The following COL5A2 variants were observed in gnomAD, a reference collection of about 807,000 sequenced individuals.
COL5A2 encodes collagen type V alpha 2 chain.
COL5A2 carries 23 observed loss-of-function variants against 208.2 expected under a neutral mutation model. That is an observed-to-expected ratio of 0.11 (90% CI 0.08 to 0.16). The LOEUF is 0.16. COL5A2 is among the 10% of genes least tolerant of loss of function. The pLI, the probability that COL5A2 is intolerant of heterozygous loss-of-function variation, is 1.00. For missense variants in COL5A2, 1,590 were observed against 1,956.4 expected, an observed-to-expected ratio of 0.81 and a Z score of 3.53; for synonymous variants, 625 against 628.5, an observed-to-expected ratio of 0.99 and a Z score of 0.08.
intron 1 of COL5A2, among the ~76,000 whole-genome samples, chr2:189,114,020 C>A (rs1038473891): frequency 1.3e-5 from 2 of 152,022 alleles, no homozygotes; most frequent in African/African-American, 4.8e-5. Flanking sequence ...AAGAAGTGGG[C>A]CACTGGATTA....
At chr2:189,078,453 C>A (rs1385029303) in intron 16 of COL5A2, 63 bp downstream of exon 16, 3 of 1,366,018 alleles carry the variant, frequency 2.2e-6, no homozygotes, top group African/African-American at 2.9e-5. Flanking sequence ...GTTCAGTAAA[C>A]CAAATCTGAA....
At chr2:189,421,311 A>G in the COL5A2 span, among the ~76,000 whole-genome samples, 1 of 152,120 alleles carries the variant, frequency 6.6e-6, no homozygotes, top group African/African-American at 2.4e-5. Context: ...TCTCCACACA[A>G]TCATCACCCC....
chr2:189,304,559 G>A, the COL5A2 span, among the ~76,000 whole-genome samples: 1 of 152,070 alleles, frequency 6.6e-6, no homozygotes, highest in African/African-American at 2.4e-5. Flanking sequence ...AGCCAGAGGT[G>A]GGGGAAGGTG....
At chr2:189,192,844 G>T (rs569721126) in intron 1 of COL5A2, among the ~76,000 whole-genome samples, 1 of 152,340 alleles carries the variant, frequency 6.6e-6, no homozygotes, top group African/African-American at 2.4e-5. Context: ...CTCTGCCCTT[G>T]TGAATGAATT....
the COL5A2 span, among the ~76,000 whole-genome samples, chr2:189,359,436 T>C: frequency 6.6e-6 from 1 of 152,214 alleles, no homozygotes; most frequent in Admixed American, 6.5e-5. Flanking sequence ...TTGATCATAG[T>C]GAATAATCCT....
At chr2:189,243,962 C>A in the COL5A2 span, among the ~76,000 whole-genome samples, 2 of 152,310 alleles carry the variant, frequency 1.3e-5, no homozygotes, top group South Asian at 4.1e-4. Flanking sequence ...ACAGCCTGAG[C>A]TCTACATTGG....
chr2:189,115,667 C>T (rs1020534578), intron 1 of COL5A2, among the ~76,000 whole-genome samples: 4 of 152,130 alleles, frequency 2.6e-5, no homozygotes, highest in Admixed American at 2.0e-4. Context: ...TCATTTTCCC[C>T]TGTGAGCTGT....
rs756351360 is a variant in COL5A2, at chr2:189,041,623, G to T, written c.3596C>A (p.Pro1199Gln). ...NPGPLGPIGP[P>Q]GVRGSVGEAG... ...TTCTCCTACACTGCCTCGTACACCTGGAGGTCCAATTGGCCCAAGTGGCCC... is the reference window on the plus strand; with the variant it reads ...TTCTCCTACACTGCCTCGTACACCTTGAGGTCCAATTGGCCCAAGTGGCCC... The change falls in exon 50 of 54, where the codon CCA (proline) becomes CAA (glutamine). Residue 1199 changes from proline (P) to glutamine (Q), a missense_variant. Coordinates refer to ENST00000374866, the MANE Select transcript of COL5A2 (RefSeq NM_000393.5). 1 of 1,614,090 alleles carries T rather than the reference G, an allele frequency of 6.2e-7. No homozygotes were observed. Among genetic ancestry groups the T allele is most frequent in the South Asian group, 1.1e-5 (1 of 91,086 alleles).
rs780963383 is a variant in COL5A2, at chr2:189,065,025, A to C, written c.1596T>G (p.Ser532=). 17 of 1,613,868 alleles carry C rather than the reference A, an allele frequency of 1.1e-5. No individual in the cohort carries two copies. The highest frequency in any genetic ancestry group is 1.4e-5 in the Non-Finnish European group (17 of 1,179,920). ...GAPGNRGFPG[S]DGLPGPKGAQ... is the part of the protein sequence containing the mutation. Reference sequence around the variant, plus strand: ...TCACCTTTGGCCCAGGTAAACCATCAGAGCCTGGAAAACCACGATTGCCAG... The same window carrying C: ...TCACCTTTGGCCCAGGTAAACCATCCGAGCCTGGAAAACCACGATTGCCAG... The change falls in exon 24 of 54, where the codon TCT becomes TCG. Residue 532 remains serine (S), a synonymous_variant. Transcript: ENST00000374866.
At chr2:189,342,362 T>C in the COL5A2 span, among the ~76,000 whole-genome samples, 1 of 147,338 alleles carries the variant, frequency 6.8e-6, no homozygotes, top group African/African-American at 2.5e-5. Context: ...ATTTTATATA[T>C]ATAATTTATA....
At chr2:189,342,250 T>C in the COL5A2 span, among the ~76,000 whole-genome samples, 3 of 149,460 alleles carry the variant, frequency 2.0e-5, no homozygotes, top group Admixed American at 6.7e-5. Context: ...TTTAGATAAA[T>C]AGAACAAATG....
At chr2:189,314,025 G>A in the COL5A2 span, among the ~76,000 whole-genome samples, 2 of 152,150 alleles carry the variant, frequency 1.3e-5, no homozygotes, top group African/African-American at 4.8e-5. Context: ...AACAATATTA[G>A]ACAGATCATC....
intron 5 of COL5A2, among the ~76,000 whole-genome samples, chr2:189,098,230 C>A (rs1686962250): frequency 6.6e-6 from 1 of 152,182 alleles, no homozygotes; most frequent in Non-Finnish European, 1.5e-5. Flanking sequence ...ATGTGTTTAA[C>A]ATTTACATGA....
chr2:189,045,247 CA>C lies in COL5A2; in HGVS notation c.3310-16del, dbSNP rs1241190312. ...CCCCGAGAACCCTAAAAGAAATTTA[CA>C]ACAAAAAAAATTGGCATGTAAAAAA... On this transcript the variant is annotated splice_polypyrimidine_tract_variant and intron_variant, in intron 46 of 53. Transcript: ENST00000374866. 3 of 1,594,158 alleles carry C rather than the reference CA, an allele frequency of 1.9e-6. No homozygotes were observed. In the African/African-American group the frequency reaches 4.1e-5, roughly 22 times the overall value.
chr2:189,331,088 A>G, the COL5A2 span, among the ~76,000 whole-genome samples: 1 of 152,214 alleles, frequency 6.6e-6, no homozygotes, highest in South Asian at 2.1e-4. Context: ...AGAAAATTTG[A>G]ACAAAAATGT....
intron 49 of COL5A2, 115 bp from the exon 50 acceptor site, chr2:189,041,808 AT>A: frequency 3.0e-6 from 2 of 675,646 alleles, no homozygotes; most frequent in Non-Finnish European, 2.6e-6. Context: ...TCTAAGATTC[AT>A]TTTCTTACTG....
chr2:189,307,491 C>T, the COL5A2 span, among the ~76,000 whole-genome samples: 1 of 152,058 alleles, frequency 6.6e-6, no homozygotes, highest in Admixed American at 6.6e-5. Context: ...TACCACTGCA[C>T]ATTTTTAAAT....
At chr2:189,123,531 A>C (rs902857999) in intron 1 of COL5A2, among the ~76,000 whole-genome samples, 2 of 152,196 alleles carry the variant, frequency 1.3e-5, no homozygotes, top group Non-Finnish European at 1.5e-5. Flanking sequence ...ACAGAGACTC[A>C]GACACTCATT....
At chr2:189,207,792 A>C (rs1039970379) in intron 1 of COL5A2, among the ~76,000 whole-genome samples, 22 of 152,238 alleles carry the variant, frequency 1.4e-4, no homozygotes, top group Non-Finnish European at 2.4e-4. Flanking sequence ...CCAGTGCAAA[A>C]ATCTGTATGA....
Sources: gnomAD v4.1 joint callset for allele counts (sites outside exome capture counted in the v4.1 genomes callset) on GRCh38, gnomAD v4.1.1 for gene constraint, MANE v1.5 for transcripts, NCBI Gene and HGNC (gene_info 2026-07-23, HGNC 2026-07-21) for gene names.